CHD1: variants seen among roughly 807,000 people sequenced by gnomAD.
The protein encoded by CHD1 is ATP-dependent chromatin remodeler CHD1.
In CHD1, 36 loss-of-function variants were observed where a neutral mutation model predicts 224.2. The ratio of observed to expected loss-of-function variants is 0.16; its 90% CI spans 0.12 to 0.21. The LOEUF (loss-of-function observed/expected upper bound fraction) is 0.21, where lower values mean the gene tolerates loss of function less well. CHD1 is among the 10% of genes least tolerant of loss of function. The pLI, the probability that CHD1 is intolerant of heterozygous loss-of-function variation, is 1.00. For synonymous variants in CHD1, 668 were observed against 658.3 expected, an observed-to-expected ratio of 1.01 and a Z score of -0.23; for missense variants, 1,378 against 1,994.8, an observed-to-expected ratio of 0.69 and a Z score of 5.89.
chr5:98,886,745 AAAT>A lies in CHD1; in HGVS notation c.2497-1099_2497-1097del, dbSNP rs1201892707. On this transcript the variant is annotated intron_variant, in intron 17 of 35. Transcript: ENST00000614616. Reference sequence around the variant, plus strand: ...TGTCTATTAAAGTTTTAAAAAATTAAAATAATTTTTCTTTTCCACTAAAATACA... The same window carrying A: ...TGTCTATTAAAGTTTTAAAAAATTAAAATTTTTCTTTTCCACTAAAATACA... Among the ~76,000 whole-genome samples the A allele has an allele frequency of 2.6e-5, 4 of 151,526 alleles. No individual in the cohort carries two copies. The East Asian group carries it at 5.8e-4, about 22-fold the overall frequency.
intron 2 of CHD1, among the ~76,000 whole-genome samples, chr5:98,911,168 TATATATATAG>T (rs1207862137): frequency 2.3e-5 from 3 of 130,338 alleles, no homozygotes; most frequent in Non-Finnish European, 4.8e-5. Context: ...TATATATATA[TATATATATAG>T]AGGCATGTCA....
chr5:98,866,531 T>C (rs1248748375), intron 31 of CHD1, among the ~76,000 whole-genome samples: 2 of 152,050 alleles, frequency 1.3e-5, no homozygotes, highest in Non-Finnish European at 2.9e-5. Context: ...AAAACAAATA[T>C]AATTTTAGAA....
intron 12 of CHD1, 101 bp downstream of exon 12, chr5:98,896,125 A>C (rs1410169747): frequency 1.0e-6 from 1 of 981,588 alleles, no homozygotes; most frequent in African/African-American, 1.6e-5. Context: ...ACTGCACTCC[A>C]GCCTGGGAGA....
intron 17 of CHD1, among the ~76,000 whole-genome samples, chr5:98,886,777 T>C (rs943022475): frequency 2.0e-5 from 3 of 152,148 alleles, no homozygotes; most frequent in Admixed American, 6.5e-5. Flanking sequence ...AAATACATAT[T>C]AGTACAAATT....
chr5:98,903,540 T>C (rs1751860283), intron 4 of CHD1, among the ~76,000 whole-genome samples: 1 of 151,878 alleles, frequency 6.6e-6, no homozygotes, highest in Non-Finnish European at 1.5e-5. Flanking sequence ...AGTTCACATT[T>C]AGTTTATTTC....
In CHD1 at chr5:98,856,469, T is replaced by G; in HGVS notation, c.5044A>C (p.Arg1682=). The G allele has an allele frequency of 6.2e-7, 1 of 1,610,132 alleles. No individual in the cohort carries two copies. The highest frequency in any genetic ancestry group is 8.5e-7 in the Non-Finnish European group (1 of 1,176,450). The change falls in exon 36 of 36, where the codon AGA becomes CGA. Residue 1682 remains arginine (R), a synonymous_variant. Transcript: ENST00000614616. The part of the protein sequence containing the change: ...SSGPRSPLDQ[R]SPYGSRSPFE... ...GGAGATCTGGAGCCATAAGGAGATC[T>G]CTGATCTAGTGGTGACCTAGGGCCA...
intron 5 of CHD1, among the ~76,000 whole-genome samples, chr5:98,901,670 G>A (rs900152510): frequency 2.0e-5 from 3 of 150,572 alleles, no homozygotes; most frequent in South Asian, 2.1e-4. Context: ...TTTAATCCTC[G>A]AGAGGTTGTG....
At position 98,913,347 on chromosome 5, in the gene CHD1, G is replaced by A. The variant is rs1226813151; in HGVS notation, c.54-8249C>T. On this transcript the variant is annotated intron_variant, in intron 2 of 35. Coordinates refer to ENST00000614616, the MANE Select transcript of CHD1 (RefSeq NM_001270.4). ...AACTTAGCTGGGGGAGGTGGCATAT[G>A]CCTTCAGTCCTAGCTACTCGGGAGG... Among the ~76,000 whole-genome samples the A allele has an allele frequency of 7.9e-5, 12 of 152,270 alleles. No individual in the cohort carries two copies. The East Asian group carries it at 2.1e-3, about 27-fold the overall frequency.
At chr5:98,868,788 C>A in intron 30 of CHD1, 153 bp from the exon 31 acceptor site, 1 of 812,858 alleles carries the variant, frequency 1.2e-6, no homozygotes, top group Non-Finnish European at 1.8e-6. Context: ...TGTTTTTTTC[C>A]CCAATTTTAT....
chr5:98,894,779 TGTAA>T lies in CHD1; in HGVS notation c.1711-97_1711-94del, dbSNP rs1751239453. ...CTAAAAATTAAAATCCATTCAAATA[TGTAA>T]GTAACTATTAATATATGTTTATGTA... On this transcript the variant is annotated intron_variant, in intron 12 of 35. Transcript: ENST00000614616. The T allele has an allele frequency of 3.1e-5, 18 of 580,084 alleles. No individual in the cohort carries two copies. The East Asian group carries it at 4.5e-4, about 15-fold the overall frequency. The allele number at this position is 580,084 out of a possible 1,614,324, so 35.9% of individuals were successfully genotyped here.
intron 2 of CHD1, among the ~76,000 whole-genome samples, chr5:98,913,729 G>A (rs1413302905): frequency 6.6e-6 from 1 of 152,134 alleles, no homozygotes; most frequent in Non-Finnish European, 1.5e-5. Flanking sequence ...GATGTTATTA[G>A]TTGGTGCTAT....
chr5:98,875,606 G>A (rs1345912860), intron 24 of CHD1, among the ~76,000 whole-genome samples: 2 of 152,154 alleles, frequency 1.3e-5, no homozygotes, highest in African/African-American at 2.4e-5. Flanking sequence ...AGGTAAAGTA[G>A]AAGTCGAAAT....
chr5:98,885,099 T>A (rs1750554111), intron 18 of CHD1, among the ~76,000 whole-genome samples: 6 of 151,672 alleles, frequency 4.0e-5, no homozygotes. Flanking sequence ...TAATAAAGAG[T>A]AAAATTCTTG....
intron 28 of CHD1, 90 bp from the exon 29 acceptor site, chr5:98,870,893 T>C: frequency 3.4e-6 from 2 of 595,680 alleles, no homozygotes; most frequent in East Asian, 3.0e-5. Context: ...TAAATATATA[T>C]ATAGTTCACC....
At chr5:98,886,534 C>T (rs1185814212) in intron 17 of CHD1, among the ~76,000 whole-genome samples, 1 of 152,084 alleles carries the variant, frequency 6.6e-6, no homozygotes, top group Non-Finnish European at 1.5e-5. Flanking sequence ...AATAACTTGT[C>T]TACTATGATC....
intron 2 of CHD1, among the ~76,000 whole-genome samples, chr5:98,907,707 C>T (rs73153574): frequency 0.021 from 3,191 of 150,748 alleles, 114 homozygotes; most frequent in African/African-American, 0.074. Context: ...GTTTCTTTTG[C>T]ATAAGAAAGA....
chr5:98,885,940 GA>G (rs1750621830), intron 17 of CHD1: 1 of 294,314 alleles, frequency 3.4e-6, no homozygotes, highest in South Asian at 9.2e-5. Context: ...GCAAACACCT[GA>G]AACAGTTTCA....
In CHD1 at chr5:98,898,707, T is replaced by C; in HGVS notation, c.1143A>G (p.Thr381=). Residue 381 remains threonine (T), a synonymous_variant, in exon 9 of 36, where the codon ACA becomes ACG. Coordinates refer to ENST00000614616, the MANE Select transcript of CHD1 (RefSeq NM_001270.4). Reference sequence around the variant, plus strand: ...TTTGATACTGTTTATGTAGATCATCTGTAAGTTCTTGCTGGCAATTATAAT... The same window carrying C: ...TTTGATACTGTTTATGTAGATCATCCGTAAGTTCTTGCTGGCAATTATAAT... ...VEYYNCQQEL[T]DDLHKQYQIV... 1 of 1,597,334 alleles carries C rather than the reference T, an allele frequency of 6.3e-7. No individual in the cohort carries two copies. The highest frequency in any genetic ancestry group is 1.1e-5 in the South Asian group (1 of 90,568).
chr5:98,902,856 G>T, intron 5 of CHD1, 44 bp downstream of exon 5: 1 of 1,207,204 alleles, frequency 8.3e-7, no homozygotes, highest in Non-Finnish European at 1.2e-6. Flanking sequence ...GAAATAATCA[G>T]GATTTTTCTA....
Sources: allele counts gnomAD v4.1 joint callset (sites outside exome capture counted in the v4.1 genomes callset), GRCh38; gene constraint gnomAD v4.1.1; transcripts MANE v1.5; gene names NCBI Gene and HGNC (gene_info 2026-07-23, HGNC 2026-07-21).